Variants in SLC26A3 observed in about 807,000 individuals in gnomAD.
SLC26A3 encodes the protein chloride anion exchanger.
In SLC26A3, 64 loss-of-function variants were observed where a neutral mutation model predicts 85.6. The observed-to-expected ratio is 0.75, with a 90% CI of 0.61 to 0.92. The LOEUF is 0.92. Among genes scored for constraint, SLC26A3 ranks in the 40% least tolerant of loss-of-function variants. The pLI, the probability that SLC26A3 is intolerant of heterozygous loss-of-function variation, is 0.00. For missense variants in SLC26A3, 922 were observed against 927.3 expected (o/e 0.99, Z 0.07); for synonymous variants, 349 against 336.0 (o/e 1.04, Z -0.42).
intron 18 of SLC26A3, among the ~76,000 whole-genome samples, chr7:107,770,308 G>A (rs1342602529): frequency 3.6e-5 from 4 of 112,510 alleles, no homozygotes; most frequent in African/African-American, 9.5e-5. Flanking sequence ...CCAGGCTAGT[G>A]TGCAGTGGCA....
intron 6 of SLC26A3, 79 bp downstream of exon 6, chr7:107,789,445 G>A (rs1007872400): frequency 2.9e-6 from 4 of 1,373,884 alleles, no homozygotes; most frequent in Non-Finnish European, 4.1e-6. Context: ...CATGGCAAAG[G>A]CATTAAAGGA....
chr7:107,767,880 A>G lies in SLC26A3; in HGVS notation c.2091T>C (p.Tyr697=). ...TTTTCACTTCACCATCAAAAAATTCATACCGGTTAAGCTTCTCAATGAAGT... is the reference window on the plus strand; with the variant it reads ...TTTTCACTTCACCATCAAAAAATTCGTACCGGTTAAGCTTCTCAATGAAGT... The part of the protein sequence containing the change: ...DDDFIEKLNR[Y]EFFDGEVKSS... Residue 697 remains tyrosine, a synonymous_variant, in exon 19 of 21, where the codon TAT becomes TAC. Transcript: ENST00000340010. 1 of 1,613,720 alleles carries G rather than the reference A, an allele frequency of 6.2e-7. No individual in the cohort carries two copies. Among genetic ancestry groups the G allele is most frequent in the Non-Finnish European group, 8.5e-7 (1 of 1,179,742 alleles).
Position 107,778,291 on chromosome 7 carries a change from G to T in SLC26A3, c.1408-10C>A, listed in dbSNP as rs1794154385. Reference sequence around the variant, plus strand: ...TCATGATCCAAATTAACTGTGAAAAGAAAGCAACACATACACTACAATTTA... The same window carrying T: ...TCATGATCCAAATTAACTGTGAAAATAAAGCAACACATACACTACAATTTA... On this transcript the variant is annotated splice_polypyrimidine_tract_variant and intron_variant, in intron 12 of 20. Coordinates refer to ENST00000340010, the MANE Select transcript of SLC26A3 (RefSeq NM_000111.3). 2 of 1,513,736 alleles carry T rather than the reference G, an allele frequency of 1.3e-6. No homozygotes were observed. The highest frequency in any genetic ancestry group is 4.7e-5 in the East Asian group (2 of 42,500). The allele number at this position is 1,513,736 out of a possible 1,614,324, so 93.8% of individuals were successfully genotyped here.
At chr7:107,802,531 A>AC (rs1794617075) in intron 1 of SLC26A3, among the ~76,000 whole-genome samples, 1 of 147,210 alleles carries the variant, frequency 6.8e-6, no homozygotes. Context: ...TATGTCCCCT[A>AC]CCCCCTCCCT....
At chr7:107,782,222 A>T (rs1794225306) in intron 11 of SLC26A3, among the ~76,000 whole-genome samples, 1 of 152,172 alleles carries the variant, frequency 6.6e-6, no homozygotes. Context: ...GTCTGATGGT[A>T]TGTTTTATAT....
chr7:107,768,784 G>A lies in SLC26A3; in HGVS notation c.2063-876C>T, dbSNP rs1207796983. Among the ~76,000 whole-genome samples, 5 of 152,124 alleles carry A rather than the reference G, an allele frequency of 3.3e-5. No individual in the cohort carries two copies. In the South Asian group the frequency reaches 6.2e-4, roughly 19 times the overall value. On this transcript the variant is annotated intron_variant, in intron 18 of 20. Coordinates refer to ENST00000340010, the MANE Select transcript of SLC26A3 (RefSeq NM_000111.3). ...ATCTGGGAAAACTTGAGCAGATACC[G>A]TCTAAACGTGCCTAGGATTTGCAGA...
intron 1 of SLC26A3, among the ~76,000 whole-genome samples, chr7:107,797,306 C>T (rs531295396): frequency 3.9e-5 from 6 of 152,150 alleles, no homozygotes; most frequent in Non-Finnish European, 8.8e-5. Context: ...CCAACCTGGC[C>T]AACACAGTGA....
intron 8 of SLC26A3, among the ~76,000 whole-genome samples, chr7:107,785,595 G>A (rs1794280769): frequency 6.6e-6 from 1 of 152,138 alleles, no homozygotes; most frequent in African/African-American, 2.4e-5. Flanking sequence ...AGACATTTAA[G>A]TAAAGTGAAA....
intron 8 of SLC26A3, among the ~76,000 whole-genome samples, chr7:107,786,076 A>C (rs1442399646): frequency 6.6e-6 from 1 of 152,180 alleles, no homozygotes; most frequent in Non-Finnish European, 1.5e-5. Context: ...CAGTGGGAAA[A>C]GTTGCTCTGC....
At chr7:107,777,363 G>C (rs1360425791) in intron 13 of SLC26A3, among the ~76,000 whole-genome samples, 2 of 152,182 alleles carry the variant, frequency 1.3e-5, no homozygotes, top group Non-Finnish European at 2.9e-5. Context: ...GGCAGGCTAA[G>C]TCGGGCGGAT....
chr7:107,795,437 A>C (rs1237246883), intron 1 of SLC26A3, among the ~76,000 whole-genome samples: 1 of 152,238 alleles, frequency 6.6e-6, no homozygotes, highest in Non-Finnish European at 1.5e-5. Flanking sequence ...TAAAAGATCA[A>C]TTTGACAAAA....
intron 18 of SLC26A3, among the ~76,000 whole-genome samples, chr7:107,768,394 CT>C (rs1793951350): frequency 6.6e-6 from 1 of 152,192 alleles, no homozygotes; most frequent in African/African-American, 2.4e-5. Flanking sequence ...CTCTAATCAT[CT>C]TTGAGAAATC....
At chr7:107,797,866 C>G (rs1794537189) in intron 1 of SLC26A3, among the ~76,000 whole-genome samples, 1 of 151,564 alleles carries the variant, frequency 6.6e-6, no homozygotes, top group Non-Finnish European at 1.5e-5. Context: ...GAACAAGTTA[C>G]ATTTTTGCCA....
intron 1 of SLC26A3, among the ~76,000 whole-genome samples, chr7:107,796,276 A>C (rs1339322847): frequency 1.3e-5 from 2 of 151,720 alleles, no homozygotes; most frequent in Non-Finnish European, 2.9e-5. Context: ...CTAATTTTTA[A>C]AATATTTCAG....
intron 17 of SLC26A3, among the ~76,000 whole-genome samples, chr7:107,772,997 G>C (rs1216024905): frequency 6.6e-6 from 1 of 151,990 alleles, no homozygotes; most frequent in Non-Finnish European, 1.5e-5. Flanking sequence ...GAAAACCCAA[G>C]AAAAAGAGAG....
chr7:107,794,597 C>G lies in SLC26A3; in HGVS notation c.-88G>C. The G allele has an allele frequency of 7.0e-7, 1 of 1,421,086 alleles. No homozygotes were observed. Among genetic ancestry groups the G allele is most frequent in the Admixed American group, 1.7e-5 (1 of 59,582 alleles). 88.0% of individuals were successfully genotyped at this position (1,421,086 alleles called of 1,614,324 possible). On this transcript the variant is annotated splice_region_variant and 5_prime_UTR_variant, in exon 2 of 21. Transcript: ENST00000340010. ...TCTTGCCTTTAGCAGGTTAAAAATG[C>G]CTGAAACCAAACAGAGCTTGCTTCT...
chr7:107,780,267 A>G (rs777778710), intron 11 of SLC26A3, among the ~76,000 whole-genome samples: 10 of 152,068 alleles, frequency 6.6e-5, no homozygotes, highest in Admixed American at 2.6e-4. Context: ...TTCCTGCTAT[A>G]TCCCCAGAAC....
At chr7:107,798,443 C>T (rs568401309) in intron 1 of SLC26A3, among the ~76,000 whole-genome samples, 6 of 152,270 alleles carry the variant, frequency 3.9e-5, no homozygotes, top group African/African-American at 1.4e-4. Flanking sequence ...CTGCCTGCCC[C>T]GCTCTGCTGA....
At chr7:107,786,237 T>C (rs1213910295) in intron 8 of SLC26A3, among the ~76,000 whole-genome samples, 1 of 152,184 alleles carries the variant, frequency 6.6e-6, no homozygotes, top group African/African-American at 2.4e-5. Context: ...TTTATAGTAA[T>C]TTATGGACAA....
Sources: allele counts gnomAD v4.1 joint callset (sites outside exome capture counted in the v4.1 genomes callset), GRCh38; gene constraint gnomAD v4.1.1; transcripts MANE v1.5; gene names NCBI Gene and HGNC (gene_info 2026-07-23, HGNC 2026-07-21).